ATP8A2: variants seen among roughly 807,000 people sequenced by gnomAD.
The protein encoded by ATP8A2 is ATPase phospholipid transporting 8A2, also known as phospholipid-transporting ATPase IB.
ATP8A2 carries 100 observed loss-of-function variants against 165.6 expected under a neutral mutation model. The ratio of observed to expected loss-of-function variants is 0.60; its 90% CI spans 0.51 to 0.71. The LOEUF is 0.71. ATP8A2 is among the 30% of genes least tolerant of loss of function. ATP8A2 has a pLI of 0.00. For synonymous variants in ATP8A2, 543 were observed against 548.8 expected (o/e 0.99, Z 0.15); for missense variants, 1,227 against 1,479.5 (o/e 0.83, Z 2.80).
At chr13:25,609,040 A>G (rs1340218213) in intron 24 of ATP8A2, among the ~76,000 whole-genome samples, 1 of 152,170 alleles carries the variant, frequency 6.6e-6, no homozygotes, top group African/African-American at 2.4e-5. Flanking sequence ...CCAAAGAGGG[A>G]AATTTTTGTA....
intron 25 of ATP8A2, among the ~76,000 whole-genome samples, chr13:25,702,229 G>GAA (rs575103686): frequency 1.1e-3 from 170 of 152,208 alleles, no homozygotes; most frequent in African/African-American, 3.8e-3. Flanking sequence ...ACTGGTCTAT[G>GAA]AAATCATGAA....
intron 30 of ATP8A2, among the ~76,000 whole-genome samples, chr13:25,844,318 C>T (rs1382977300): frequency 6.6e-6 from 1 of 152,036 alleles, no homozygotes; most frequent in South Asian, 2.1e-4. Context: ...GAAATCTCCA[C>T]CTCCCATGTT....
intron 33 of ATP8A2, among the ~76,000 whole-genome samples, chr13:25,873,304 A>T (rs1021180656): frequency 2.6e-5 from 4 of 152,194 alleles, no homozygotes; most frequent in Non-Finnish European, 5.9e-5. Context: ...TTTATAAATC[A>T]AGATTTATAA....
At chr13:25,519,253 C>G (rs950421878) in intron 2 of ATP8A2, among the ~76,000 whole-genome samples, 5 of 152,322 alleles carry the variant, frequency 3.3e-5, no homozygotes, top group Admixed American at 6.5e-5. Context: ...GAAACCTTCC[C>G]TCGCCACTCT....
intron 33 of ATP8A2, among the ~76,000 whole-genome samples, chr13:25,916,971 G>T (rs1954286372): frequency 6.6e-6 from 1 of 152,058 alleles, no homozygotes; most frequent in Non-Finnish European, 1.5e-5. Context: ...CATATAACTT[G>T]GGGTTTTTTT....
At chr13:25,379,150 T>A (rs2137916807) in intron 1 of ATP8A2, among the ~76,000 whole-genome samples, 1 of 152,348 alleles carries the variant, frequency 6.6e-6, no homozygotes, top group Admixed American at 6.5e-5. Flanking sequence ...CTGTCTTGTG[T>A]AATCTTTTGC....
chr13:25,990,611 G>A (rs561490702), intron 35 of ATP8A2, among the ~76,000 whole-genome samples: 3 of 152,356 alleles, frequency 2.0e-5, no homozygotes, highest in East Asian at 1.9e-4. Context: ...AGGAAATAGC[G>A]TTGAGAGGAA....
At chr13:25,851,952 C>T (rs1008738990) in intron 30 of ATP8A2, among the ~76,000 whole-genome samples, 1 of 152,168 alleles carries the variant, frequency 6.6e-6, no homozygotes, top group African/African-American at 2.4e-5. Context: ...AAGCAACCGT[C>T]CTGCCTCAGT....
intron 1 of ATP8A2, among the ~76,000 whole-genome samples, chr13:25,406,188 T>C (rs967243494): frequency 5.3e-5 from 8 of 152,164 alleles, no homozygotes; most frequent in Non-Finnish European, 1.0e-4. Flanking sequence ...AAGAAACATT[T>C]AACAGGGACT....
At chr13:25,768,076 T>TG (rs397942177) in intron 25 of ATP8A2, among the ~76,000 whole-genome samples, 18,771 of 48,786 alleles carry the variant, frequency 0.38, 1,762 homozygotes, top group Admixed American at 0.44. Flanking sequence ...TGTGGTGGCG[T>TG]GGGGGGGGGG....
At chr13:25,945,630 G>A (rs1259060690) in intron 33 of ATP8A2, among the ~76,000 whole-genome samples, 1 of 152,182 alleles carries the variant, frequency 6.6e-6, no homozygotes, top group Non-Finnish European at 1.5e-5. Context: ...AATAGTGAGA[G>A]GGAGAGAGAG....
At chr13:25,555,654 C>CA (rs11456537) in intron 13 of ATP8A2, among the ~76,000 whole-genome samples, 88,366 of 151,752 alleles carry the variant, frequency 0.58, 26,790 homozygotes, top group Non-Finnish European at 0.64. Context: ...ATTTTAGATT[C>CA]GGGGGTAAAT....
intron 1 of ATP8A2, among the ~76,000 whole-genome samples, chr13:25,452,964 G>A (rs1197021971): frequency 2.6e-5 from 4 of 151,318 alleles, no homozygotes; most frequent in Admixed American, 2.6e-4. Flanking sequence ...GCATGGTGGT[G>A]GGCGCCGGTA....
chr13:25,541,284 A>G (rs1368678228), intron 8 of ATP8A2, among the ~76,000 whole-genome samples: 1 of 152,116 alleles, frequency 6.6e-6, no homozygotes, highest in Admixed American at 6.6e-5. Context: ...TCTACTGTAG[A>G]TATTTGCTTT....
Position 25,480,331 on chromosome 13 carries a change from C to T in ATP8A2, c.221+11210C>T, listed in dbSNP as rs879270820. ...CCTCCCTCCCGGACGGGGCGGCTGC[C>T]GGGCGGAGACGCTCCTCACTTCCCA... is the stretch of plus-strand genomic sequence containing the variant. On this transcript the variant is annotated intron_variant, in intron 2 of 36. Transcript: ENST00000381655. Among the ~76,000 whole-genome samples the T allele has an allele frequency of 6.7e-3, 1,018 of 151,434 alleles. 5 individuals are homozygous for T. Among genetic ancestry groups the T allele is most frequent in the Admixed American group, 0.012 (182 of 15,266 alleles).
rs1399448030 is a variant in ATP8A2 at position 25,796,760 on chromosome 13, T to G, written c.2679+21801T>G. Among the ~76,000 whole-genome samples, 6 of 152,368 alleles carry G rather than the reference T, an allele frequency of 3.9e-5. No individual in the cohort carries two copies. The East Asian group carries it at 1.2e-3, about 29-fold the overall frequency. On this transcript the variant is annotated intron_variant, in intron 27 of 36. Transcript: ENST00000381655. ...ATGCTTTTTTAAATTCCAGGTGTATTACTCATTAAATATGGACATTGTAGC... is the reference window on the plus strand; with the variant it reads ...ATGCTTTTTTAAATTCCAGGTGTATGACTCATTAAATATGGACATTGTAGC...
chr13:25,834,698 AG>A, intron 28 of ATP8A2, among the ~76,000 whole-genome samples: 1 of 152,352 alleles, frequency 6.6e-6, no homozygotes, highest in South Asian at 2.1e-4. Flanking sequence ...GGCAGGAGAC[AG>A]GGTCTCACTC....
At chr13:25,802,958 T>TTG (rs34767630) in intron 27 of ATP8A2, among the ~76,000 whole-genome samples, 26,147 of 132,394 alleles carry the variant, frequency 0.2, 2,373 homozygotes, top group Middle Eastern at 0.24. Context: ...CAAAGGTGAG[T>TTG]TTTTTTTTTT....
chr13:25,616,294 T>C (rs935193320), intron 24 of ATP8A2, among the ~76,000 whole-genome samples: 1 of 151,696 alleles, frequency 6.6e-6, no homozygotes, highest in African/African-American at 2.4e-5. Flanking sequence ...TATCCTTTAG[T>C]GACCACTTAA....
Sources: allele counts gnomAD v4.1 joint callset (sites outside exome capture counted in the v4.1 genomes callset), GRCh38; gene constraint gnomAD v4.1.1; transcripts MANE v1.5; gene names NCBI Gene and HGNC (gene_info 2026-07-23, HGNC 2026-07-21).